Variants in CTNNA3 observed in about 807,000 individuals in gnomAD.
CTNNA3 encodes the protein catenin alpha 3, also known as catenin alpha-3.
A neutral mutation model predicts 95.7 loss-of-function variants in CTNNA3; 76 were observed. The observed-to-expected ratio is 0.79, with a 90% CI of 0.66 to 0.96. CTNNA3 has a LOEUF of 0.96. CTNNA3 is among the 40% of genes least tolerant of loss of function. CTNNA3 has a pLI of 0.00. For synonymous variants in CTNNA3, 431 were observed against 374.4 expected (o/e 1.15, Z -1.74); for missense variants, 1,191 against 1,089.8 (o/e 1.09, Z -1.31).
intron 12 of CTNNA3, among the ~76,000 whole-genome samples, chr10:66,312,553 TG>T (rs1002312736): frequency 5.5e-5 from 7 of 127,014 alleles, no homozygotes; most frequent in Admixed American, 1.7e-4. Context: ...GATTGCAGAT[TG>T]TTTTTTTTTT....
chr10:66,685,853 AG>A (rs2132518552), intron 9 of CTNNA3, among the ~76,000 whole-genome samples: 1 of 152,202 alleles, frequency 6.6e-6, no homozygotes, highest in South Asian at 2.1e-4. Context: ...GCACTTTCTG[AG>A]ATGTTAAATT....
intron 6 of CTNNA3, among the ~76,000 whole-genome samples, chr10:67,182,649 C>T (rs1862615085): frequency 6.6e-6 from 1 of 152,084 alleles, no homozygotes; most frequent in South Asian, 2.1e-4. Context: ...ATGTCTAAAA[C>T]ACCAAAAGCA....
chr10:67,067,111 G>A (rs1445285723), intron 7 of CTNNA3, among the ~76,000 whole-genome samples: 2 of 152,098 alleles, frequency 1.3e-5, no homozygotes, highest in African/African-American at 2.4e-5. Context: ...TTCCCAGAAA[G>A]TCATTATGTA....
intron 7 of CTNNA3, among the ~76,000 whole-genome samples, chr10:66,952,572 T>A (rs936935214): frequency 1.3e-5 from 2 of 152,150 alleles, no homozygotes; most frequent in Non-Finnish European, 2.9e-5. Flanking sequence ...CACACATGCA[T>A]GTGCATCATG....
chr10:67,609,935 A>C (rs1843405224), intron 2 of CTNNA3, among the ~76,000 whole-genome samples: 1 of 152,216 alleles, frequency 6.6e-6, no homozygotes, highest in African/African-American at 2.4e-5. Context: ...TAAGAATAAT[A>C]ATAAGCCTGA....
intron 11 of CTNNA3, among the ~76,000 whole-genome samples, chr10:66,434,541 T>G (rs2131761223): frequency 6.6e-6 from 1 of 152,260 alleles, no homozygotes; most frequent in South Asian, 2.1e-4. Flanking sequence ...AAGGAGATTT[T>G]GGGGCTGAGA....
chr10:67,023,166 A>G (rs1228026101), intron 7 of CTNNA3, among the ~76,000 whole-genome samples: 1 of 152,192 alleles, frequency 6.6e-6, no homozygotes, highest in African/African-American at 2.4e-5. Context: ...GTGGAAATAC[A>G]AAGAACCAGA....
chr10:66,942,548 G>GTCTCTC lies in CTNNA3; in HGVS notation c.1048-167030_1048-167025dup, dbSNP rs67598003. Among the ~76,000 whole-genome samples the GTCTCTC allele has an allele frequency of 7.6e-3, 1,132 of 148,110 alleles. 15 individuals are homozygous for GTCTCTC. Among genetic ancestry groups the GTCTCTC allele is most frequent in the African/African-American group, 0.027 (1,080 of 40,428 alleles). On this transcript the variant is annotated intron_variant, in intron 7 of 17. Transcript: ENST00000433211. ...TCTCTCTTTAAAACATTGCCATAAT[G>GTCTCTC]TCTCTCTCTCTCTCTCTCTCTCTCT...
chr10:66,855,208 T>C (rs1161873390), intron 7 of CTNNA3, among the ~76,000 whole-genome samples: 1 of 151,916 alleles, frequency 6.6e-6, no homozygotes, highest in African/African-American at 2.4e-5. Context: ...TTAGCTAGTG[T>C]TTTCAACTGG....
At chr10:66,238,096 T>C (rs995422378) in intron 13 of CTNNA3, among the ~76,000 whole-genome samples, 1 of 152,068 alleles carries the variant, frequency 6.6e-6, no homozygotes, top group African/African-American at 2.4e-5. Context: ...ATTAATTAAT[T>C]ACATTTTATT....
chr10:67,517,886 C>CA (rs911089162), intron 5 of CTNNA3, among the ~76,000 whole-genome samples: 49 of 152,146 alleles, frequency 3.2e-4, no homozygotes, highest in African/African-American at 1.2e-3. Context: ...CAGAAGTATA[C>CA]AAAATAAAGA....
chr10:66,136,561 T>C (rs1353880902), intron 13 of CTNNA3, among the ~76,000 whole-genome samples: 1 of 152,138 alleles, frequency 6.6e-6, no homozygotes, highest in African/African-American at 2.4e-5. Flanking sequence ...TTAGTCTACA[T>C]TATTAACACT....
chr10:66,991,130 G>A (rs1442797150), intron 7 of CTNNA3, among the ~76,000 whole-genome samples: 1 of 152,138 alleles, frequency 6.6e-6, no homozygotes, highest in Non-Finnish European at 1.5e-5. Flanking sequence ...ACACAACATA[G>A]GGGTTTTGTA....
intron 3 of CTNNA3, among the ~76,000 whole-genome samples, chr10:67,584,872 C>G (rs535511999): frequency 6.6e-6 from 1 of 152,204 alleles, no homozygotes; most frequent in Non-Finnish European, 1.5e-5. Context: ...GAGCCATGTG[C>G]GGGATATAAT....
chr10:66,402,840 C>T (rs919101083), intron 11 of CTNNA3, among the ~76,000 whole-genome samples: 8 of 152,064 alleles, frequency 5.3e-5, no homozygotes, highest in South Asian at 2.1e-4. Context: ...CCACAGGGAA[C>T]CCCCCACCTA....
At chr10:66,084,154 A>AAAAAAAAAAAAAAAAAG (rs1564627073) in intron 14 of CTNNA3, among the ~76,000 whole-genome samples, 1 of 141,342 alleles carries the variant, frequency 7.1e-6, no homozygotes, top group Admixed American at 7.2e-5. Flanking sequence ...AAAAGAAAAA[A>AAAAAAAAAAAAAAAAAG]AAAGAAAAAG....
At chr10:67,076,828 A>G (rs1856772366) in intron 7 of CTNNA3, among the ~76,000 whole-genome samples, 1 of 152,158 alleles carries the variant, frequency 6.6e-6, no homozygotes, top group African/African-American at 2.4e-5. Flanking sequence ...AATAAAATCA[A>G]TTGACATATC....
chr10:66,592,100 CA>C (rs34776713), intron 10 of CTNNA3, among the ~76,000 whole-genome samples: 50,505 of 116,222 alleles, frequency 0.43, 9,750 homozygotes, highest in East Asian at 0.64. Context: ...TCTAGCTTGG[CA>C]AAAAAAAAAA....
At chr10:67,621,900 C>T (rs1375705778) in intron 2 of CTNNA3, among the ~76,000 whole-genome samples, 1 of 152,194 alleles carries the variant, frequency 6.6e-6, no homozygotes, top group Non-Finnish European at 1.5e-5. Flanking sequence ...CACAGCCACA[C>T]CCATGTGTTT....
Sources: gnomAD v4.1 joint callset for allele counts (sites outside exome capture counted in the v4.1 genomes callset) on GRCh38, gnomAD v4.1.1 for gene constraint, MANE v1.5 for transcripts, NCBI Gene and HGNC (gene_info 2026-07-23, HGNC 2026-07-21) for gene names.